KIAA1217: variants seen among roughly 807,000 people sequenced by gnomAD.
KIAA1217 encodes sickle tail protein homolog.
Under a neutral mutation model 163.9 loss-of-function variants are expected in KIAA1217, and 88 were observed. The ratio of observed to expected loss-of-function variants is 0.54; its 90% CI spans 0.45 to 0.64. The LOEUF is 0.64. KIAA1217 is among the 30% of genes least tolerant of loss of function. The pLI, the probability that KIAA1217 is intolerant of heterozygous loss-of-function variation, is 0.00. For missense variants in KIAA1217, 2,372 were observed against 2,475.0 expected (o/e 0.96, Z 0.88); for synonymous variants, 903 against 923.1 (o/e 0.98, Z 0.39).
At chr10:24,141,125 C>T (rs918519132) in intron 2 of KIAA1217, among the ~76,000 whole-genome samples, 3 of 151,254 alleles carry the variant, frequency 2.0e-5, no homozygotes, top group Non-Finnish European at 4.4e-5. Flanking sequence ...AGACTCAGCT[C>T]AAAAGGGTAC....
chr10:24,346,964 C>T (rs2047868414), intron 2 of KIAA1217, among the ~76,000 whole-genome samples: 1 of 152,168 alleles, frequency 6.6e-6, no homozygotes, highest in African/African-American at 2.4e-5. Flanking sequence ...TCTGAAGATA[C>T]TTCCTCATTA....
At chr10:23,777,963 G>A (rs1327326185) in intron 1 of KIAA1217, among the ~76,000 whole-genome samples, 2 of 149,404 alleles carry the variant, frequency 1.3e-5, no homozygotes, top group Non-Finnish European at 2.9e-5. Flanking sequence ...TCTTTTTTGA[G>A]ATAGAGTCTC....
At chr10:23,878,748 T>G (rs1214883689) in intron 1 of KIAA1217, among the ~76,000 whole-genome samples, 1 of 151,710 alleles carries the variant, frequency 6.6e-6, no homozygotes, top group East Asian at 2.0e-4. Flanking sequence ...TAGAGAAAAG[T>G]GGTGGGGTTT....
At chr10:24,332,078 G>A (rs941383764) in intron 2 of KIAA1217, among the ~76,000 whole-genome samples, 5 of 152,248 alleles carry the variant, frequency 3.3e-5, no homozygotes, top group Admixed American at 6.5e-5. Flanking sequence ...TAGGATTACA[G>A]GTGTGAGTCA....
chr10:24,543,501 A>C lies in KIAA1217; in HGVS notation c.4231A>C (p.Ile1411Leu), dbSNP rs147986443. The C allele has an allele frequency of 1.9e-6, 3 of 1,614,182 alleles. No individual in the cohort carries two copies. Among genetic ancestry groups the C allele is most frequent in the South Asian group, 2.2e-5 (2 of 91,080 alleles). ...HDIVSQKGED[I>L]QTVNIDARKE... ...TATTGTTAGCCAAAAGGGAGAAGAC[A>C]TACAGACGGTTAATATCGATGCCAG... is the stretch of plus-strand genomic sequence containing the variant. The change falls in exon 19 of 21, where the codon ATA (isoleucine) becomes CTA (leucine). Residue 1411 changes from isoleucine (I) to leucine (L), a missense_variant. Coordinates refer to ENST00000376454, the MANE Select transcript of KIAA1217 (RefSeq NM_019590.5).
At chr10:24,056,193 A>G (rs1302737286) in intron 2 of KIAA1217, among the ~76,000 whole-genome samples, 1 of 152,124 alleles carries the variant, frequency 6.6e-6, no homozygotes, top group Non-Finnish European at 1.5e-5. Context: ...TGGTAACACA[A>G]TTAAATTGGG....
chr10:23,800,900 T>G (rs995957545), intron 1 of KIAA1217, among the ~76,000 whole-genome samples: 2 of 152,138 alleles, frequency 1.3e-5, no homozygotes, highest in Admixed American at 6.5e-5. Context: ...GTTCAACCAT[T>G]GTGGAACATA....
intron 1 of KIAA1217, among the ~76,000 whole-genome samples, chr10:23,778,675 T>C (rs1260564216): frequency 1.3e-5 from 2 of 152,194 alleles, no homozygotes; most frequent in Non-Finnish European, 2.9e-5. Flanking sequence ...TCCTGGCTAT[T>C]TGGGGCCAAT....
upstream of KIAA1217, among the ~76,000 whole-genome samples, chr10:24,207,280 TCTCACA>T (rs1312687634): frequency 3.0e-5 from 3 of 98,894 alleles, no homozygotes; most frequent in African/African-American, 8.0e-5. Flanking sequence ...TCTCTCTCTC[TCTCACA>T]CACACACACA....
intron 2 of KIAA1217, among the ~76,000 whole-genome samples, chr10:24,150,542 C>G (rs1422366191): frequency 6.6e-6 from 1 of 152,198 alleles, no homozygotes; most frequent in Non-Finnish European, 1.5e-5. Context: ...CTACCATTCC[C>G]TCCCTCCCTT....
intron 1 of KIAA1217, among the ~76,000 whole-genome samples, chr10:23,820,766 T>C (rs1413068294): frequency 6.6e-6 from 1 of 152,196 alleles, no homozygotes; most frequent in Non-Finnish European, 1.5e-5. Flanking sequence ...GCTTTCTTAT[T>C]AGCATGAAAT....
chr10:24,437,476 A>G (rs1219252214), intron 4 of KIAA1217, among the ~76,000 whole-genome samples: 2 of 152,256 alleles, frequency 1.3e-5, no homozygotes, highest in Non-Finnish European at 2.9e-5. Context: ...TGCACCTGGA[A>G]GAGAGGAATT....
intron 1 of KIAA1217, among the ~76,000 whole-genome samples, chr10:23,843,893 G>A (rs778816898): frequency 6.6e-5 from 10 of 152,150 alleles, no homozygotes; most frequent in South Asian, 2.1e-4. Flanking sequence ...TTAACATTCC[G>A]TAAATAACCT....
At chr10:23,719,945 A>G (rs1837779128) in intron 1 of KIAA1217, among the ~76,000 whole-genome samples, 1 of 152,134 alleles carries the variant, frequency 6.6e-6, no homozygotes, top group African/African-American at 2.4e-5. Context: ...GTGTATGATT[A>G]CATTTATATG....
intron 2 of KIAA1217, among the ~76,000 whole-genome samples, chr10:24,098,272 C>T (rs746648174): frequency 1.3e-5 from 2 of 152,108 alleles, no homozygotes; most frequent in African/African-American, 2.4e-5. Flanking sequence ...AGCTGAGATT[C>T]GCACCTAACT....
At chr10:23,944,215 A>G in intron 1 of KIAA1217, among the ~76,000 whole-genome samples, 1 of 152,186 alleles carries the variant, frequency 6.6e-6, no homozygotes, top group Admixed American at 6.5e-5. Context: ...GCTTGAGCTC[A>G]GGAGTTCAAG....
chr10:24,266,142 A>C (rs2131839493), intron 2 of KIAA1217, among the ~76,000 whole-genome samples: 2 of 150,312 alleles, frequency 1.3e-5, no homozygotes, highest in South Asian at 4.2e-4. Flanking sequence ...GCAGTGGTGC[A>C]ATCTTAGCTC....
chr10:23,696,497 C>T (rs1487380699), intron 1 of KIAA1217, among the ~76,000 whole-genome samples: 1 of 152,224 alleles, frequency 6.6e-6, no homozygotes, highest in Non-Finnish European at 1.5e-5. Context: ...AGACAAAAGT[C>T]ATTTGTAATG....
chr10:23,866,509 A>T (rs1242358674), intron 1 of KIAA1217, among the ~76,000 whole-genome samples: 4 of 152,154 alleles, frequency 2.6e-5, no homozygotes, highest in Non-Finnish European at 5.9e-5. Flanking sequence ...TATGGGAGCC[A>T]AGATGGTCAA....
Sources: allele counts gnomAD v4.1 joint callset (sites outside exome capture counted in the v4.1 genomes callset), GRCh38; gene constraint gnomAD v4.1.1; transcripts MANE v1.5; gene names NCBI Gene and HGNC (gene_info 2026-07-23, HGNC 2026-07-21).